The following SHISA9 variants were observed in gnomAD, a reference collection of about 807,000 sequenced individuals.
The protein encoded by SHISA9 is protein shisa-9.
SHISA9 carries 13 observed loss-of-function variants against 38.0 expected under a neutral mutation model. The observed-to-expected ratio is 0.34, with a 90% CI of 0.22 to 0.54. The LOEUF (loss-of-function observed/expected upper bound fraction) is 0.54. SHISA9 is among the 20% of genes least tolerant of loss of function. SHISA9 has a pLI of 0.91. For missense variants in SHISA9, 538 were observed against 575.8 expected (o/e 0.93, Z 0.67); for synonymous variants, 275 against 242.0 (o/e 1.14, Z -1.27).
chr16:13,509,657 A>T, the SHISA9 span, among the ~76,000 whole-genome samples: 1 of 152,354 alleles, frequency 6.6e-6, no homozygotes, highest in African/African-American at 2.4e-5. Flanking sequence ...TTTTAAAATT[A>T]TCAGGTCTCT....
At chr16:13,527,745 A>G in the SHISA9 span, among the ~76,000 whole-genome samples, 7 of 152,200 alleles carry the variant, frequency 4.6e-5, no homozygotes, top group South Asian at 4.1e-4. Flanking sequence ...AGTATCTTAT[A>G]ATAAATTCCC....
the SHISA9 span, among the ~76,000 whole-genome samples, chr16:13,304,326 A>G: frequency 1.3e-5 from 2 of 152,234 alleles, no homozygotes; most frequent in Non-Finnish European, 2.9e-5. Context: ...TAGCATGATC[A>G]CGGCTCACCG....
the SHISA9 span, among the ~76,000 whole-genome samples, chr16:13,528,035 G>T: frequency 3.3e-5 from 5 of 152,190 alleles, no homozygotes; most frequent in East Asian, 9.7e-4. Context: ...TTGCATAAAG[G>T]ATACCAATAT....
the SHISA9 span, among the ~76,000 whole-genome samples, chr16:13,455,685 G>T: frequency 6.6e-6 from 1 of 152,138 alleles, no homozygotes; most frequent in Middle Eastern, 3.2e-3. Context: ...TATTAATTCG[G>T]TGTGGAGTTT....
intron 2 of SHISA9, among the ~76,000 whole-genome samples, chr16:13,065,161 C>T (rs1035929470): frequency 7.2e-5 from 11 of 152,172 alleles, no homozygotes. Context: ...CCTGGTATGT[C>T]ACTCCTCCAC....
At chr16:12,958,324 A>G (rs1426586098) in intron 2 of SHISA9, among the ~76,000 whole-genome samples, 1 of 152,176 alleles carries the variant, frequency 6.6e-6, no homozygotes, top group Non-Finnish European at 1.5e-5. Context: ...CAAAATTCTA[A>G]TGGACATCCT....
chr16:13,248,434 A>G, the SHISA9 span, among the ~76,000 whole-genome samples: 1 of 152,180 alleles, frequency 6.6e-6, no homozygotes, highest in Non-Finnish European at 1.5e-5. Flanking sequence ...ATAAAGAAAT[A>G]AAGAGAGGCA....
rs74843916 is a variant in SHISA9, at chr16:12,909,201, C to G, written c.563+6574C>G. ...CTTCTCTTTGGGCACTGAGTCCTTG[C>G]ATTTTAAAAATCAACTTCATTGAAG... is the stretch of plus-strand genomic sequence containing the variant. On this transcript the variant is annotated intron_variant, in intron 1 of 4. Coordinates refer to ENST00000558583, the MANE Select transcript of SHISA9 (RefSeq NM_001145204.3). 1.9e-3 allele frequency: 1,858 copies of G among 985,754 alleles called. 27 individuals carry two copies. In the African/African-American group the frequency reaches 0.03, roughly 16 times the overall value. The allele number at this position is 985,754 out of a possible 1,614,324, so 61.1% of individuals were successfully genotyped here.
At chr16:13,001,068 C>T (rs1297822307) in intron 2 of SHISA9, among the ~76,000 whole-genome samples, 2 of 152,178 alleles carry the variant, frequency 1.3e-5, no homozygotes, top group Admixed American at 1.3e-4. Context: ...GCTGGGACTA[C>T]AGGTACCCAC....
At chr16:13,138,922 T>C (rs1044958150) in intron 2 of SHISA9, among the ~76,000 whole-genome samples, 3 of 152,196 alleles carry the variant, frequency 2.0e-5, no homozygotes, top group Admixed American at 6.5e-5. Context: ...TTTTGATTCA[T>C]TGGACATCTT....
chr16:13,229,776 T>C (rs1468376880), intron 4 of SHISA9, among the ~76,000 whole-genome samples: 2 of 152,162 alleles, frequency 1.3e-5, no homozygotes, highest in African/African-American at 2.4e-5. Context: ...GTCAGTGTTA[T>C]GATGGAGAGA....
chr16:13,269,041 C>A, the SHISA9 span, among the ~76,000 whole-genome samples: 4,568 of 152,200 alleles, frequency 0.03, 225 homozygotes, highest in African/African-American at 0.1. Context: ...GTCAAGGGAG[C>A]TTGCCTGTGC....
At chr16:13,013,135 A>C (rs1227294231) in intron 2 of SHISA9, among the ~76,000 whole-genome samples, 1 of 152,160 alleles carries the variant, frequency 6.6e-6, no homozygotes, top group Non-Finnish European at 1.5e-5. Flanking sequence ...TCTTTCTGGC[A>C]ACTTGGTGGG....
At chr16:12,993,186 CAT>C (rs2072410936) in intron 2 of SHISA9, among the ~76,000 whole-genome samples, 2 of 152,016 alleles carry the variant, frequency 1.3e-5, no homozygotes, top group South Asian at 4.1e-4. Context: ...CACCTACCCT[CAT>C]ATATAAAAGG....
the SHISA9 span, among the ~76,000 whole-genome samples, chr16:13,477,878 T>C: frequency 0.026 from 3,937 of 152,228 alleles, 185 homozygotes; most frequent in African/African-American, 0.091. Flanking sequence ...GGCAGGAGAA[T>C]GGCCCGAACC....
chr16:12,921,428 G>A (rs1567339799), intron 2 of SHISA9, among the ~76,000 whole-genome samples: 1 of 152,134 alleles, frequency 6.6e-6, no homozygotes, highest in Non-Finnish European at 1.5e-5. Flanking sequence ...AGGCACCTGG[G>A]ATGTCCTACA....
the SHISA9 span, among the ~76,000 whole-genome samples, chr16:13,273,403 G>T: frequency 6.6e-6 from 1 of 152,070 alleles, no homozygotes; most frequent in Non-Finnish European, 1.5e-5. Flanking sequence ...CATGGGGGCT[G>T]GTCTTTCCTG....
At chr16:13,316,028 AGAG>A in the SHISA9 span, among the ~76,000 whole-genome samples, 186 of 146,860 alleles carry the variant, frequency 1.3e-3, 2 homozygotes, top group Middle Eastern at 0.015. Flanking sequence ...AAAAAAAAAG[AGAG>A]AGAGCTTCAG....
At chr16:13,128,891 A>G (rs1198941095) in intron 2 of SHISA9, among the ~76,000 whole-genome samples, 2 of 152,208 alleles carry the variant, frequency 1.3e-5, no homozygotes, top group Non-Finnish European at 1.5e-5. Context: ...ATCTGTATAT[A>G]CTTTCTGTGC....
Sources: allele counts gnomAD v4.1 joint callset (sites outside exome capture counted in the v4.1 genomes callset), GRCh38; gene constraint gnomAD v4.1.1; transcripts MANE v1.5; gene names NCBI Gene and HGNC (gene_info 2026-07-23, HGNC 2026-07-21).